KCNH1: variants seen among roughly 807,000 people sequenced by gnomAD.
KCNH1 encodes the protein voltage-gated delayed rectifier potassium channel KCNH1.
In KCNH1, 27 loss-of-function variants were observed where a neutral mutation model predicts 69.2. The observed-to-expected ratio is 0.39, with a 90% CI of 0.29 to 0.54. KCNH1 has a LOEUF of 0.54. Ranked by LOEUF, KCNH1 falls within the 20% of genes least tolerant of loss-of-function variation. KCNH1 has a pLI of 0.68. For synonymous variants in KCNH1, 456 were observed against 487.7 expected, an observed-to-expected ratio of 0.93 and a Z score of 0.86; for missense variants, 798 against 1,261.6, an observed-to-expected ratio of 0.63 and a Z score of 5.57.
At position 210,986,261 on chromosome 1, in the gene KCNH1, T is replaced by C. The variant is rs1395088172; in HGVS notation, c.1032+32522A>G. 3.3e-5 allele frequency among the ~76,000 whole-genome samples: 5 copies of C among 152,358 alleles called. No homozygotes were observed. In the South Asian group the frequency reaches 1.0e-3, roughly 32 times the overall value. ...CAATTTGCCAGTGTTTGTCTTTTAA[T>C]TGGAGCATTTAGCTCATTTACATTT... On this transcript the variant is annotated intron_variant, in intron 6 of 10. Transcript: ENST00000271751.
chr1:211,085,271 A>C lies in KCNH1; in HGVS notation c.440-2373T>G, dbSNP rs534570671. Among the ~76,000 whole-genome samples the C allele has an allele frequency of 2.8e-4, 43 of 152,264 alleles. No homozygotes were observed. In the South Asian group the frequency reaches 8.7e-3, roughly 31 times the overall value. On this transcript the variant is annotated intron_variant, in intron 4 of 10. Coordinates refer to ENST00000271751, the MANE Select transcript of KCNH1 (RefSeq NM_172362.3). ...GGTTTATAAGTGGGAGGGGGATGCC[A>C]GGTGTGTCCTGAGATGATGCTAAAG...
chr1:211,129,796 G>C (rs772522700), intron 1 of KCNH1, among the ~76,000 whole-genome samples: 6 of 152,100 alleles, frequency 3.9e-5, no homozygotes, highest in Non-Finnish European at 8.8e-5. Flanking sequence ...TCAACAACCT[G>C]AACCAACTTA....
intron 9 of KCNH1, among the ~76,000 whole-genome samples, chr1:210,779,461 A>G (rs1001129930): frequency 8.5e-5 from 13 of 152,320 alleles, no homozygotes; most frequent in African/African-American, 3.1e-4. Flanking sequence ...GTTACACACA[A>G]TGCTGGAAAT....
intron 7 of KCNH1, among the ~76,000 whole-genome samples, chr1:210,825,272 T>C (rs1003012588): frequency 6.6e-6 from 1 of 152,212 alleles, no homozygotes; most frequent in African/African-American, 2.4e-5. Context: ...TAAAACAACC[T>C]TGTATTTCAA....
Position 211,079,284 on chromosome 1 carries a change from G to A in KCNH1, c.558+3496C>T, listed in dbSNP as rs180711805. The stretch of plus-strand genomic sequence containing the variant: ...TAAACCAGGAAGAAGGGGAATCTCT[G>A]AATAGACCAATAACAGGATCTGAAA... On this transcript the variant is annotated intron_variant, in intron 5 of 10. Coordinates refer to ENST00000271751, the MANE Select transcript of KCNH1 (RefSeq NM_172362.3). 6.1e-3 allele frequency among the ~76,000 whole-genome samples: 930 copies of A among 152,202 alleles called. 3 individuals carry two copies. Among genetic ancestry groups the A allele is most frequent in the Non-Finnish European group, 0.01 (705 of 68,004 alleles).
At chr1:210,878,602 AC>A (rs1187736522) in intron 7 of KCNH1, among the ~76,000 whole-genome samples, 1 of 152,138 alleles carries the variant, frequency 6.6e-6, no homozygotes, top group African/African-American at 2.4e-5. Context: ...TTTAAAAAAA[AC>A]ACATCAAAAT....
intron 10 of KCNH1, among the ~76,000 whole-genome samples, chr1:210,749,458 T>G (rs1683234489): frequency 6.6e-6 from 1 of 152,110 alleles, no homozygotes. Context: ...AATGAACAGT[T>G]CTATATCATG....
At chr1:210,726,631 CTTATT>C (rs1178933240) in intron 10 of KCNH1, among the ~76,000 whole-genome samples, 1 of 152,202 alleles carries the variant, frequency 6.6e-6, no homozygotes, top group Non-Finnish European at 1.5e-5. Flanking sequence ...CAACATTTAT[CTTATT>C]TTAAAGTCAG....
rs1244766536 is a variant in KCNH1, at chr1:210,755,805, C to T, written c.2112+19543G>A. Among the ~76,000 whole-genome samples the T allele has an allele frequency of 2.0e-5, 3 of 152,144 alleles. No homozygotes were observed. The East Asian group carries it at 5.8e-4, about 29-fold the overall frequency. ...CCCACTTTCCTAGGGCAAAAGAAAG[C>T]GGCTTCCACTCACAGCAAATTTTCT... On this transcript the variant is annotated intron_variant, in intron 10 of 10. Transcript: ENST00000271751.
chr1:211,062,202 A>C (rs1690445030), intron 5 of KCNH1, among the ~76,000 whole-genome samples: 1 of 152,172 alleles, frequency 6.6e-6, no homozygotes, highest in East Asian at 1.9e-4. Flanking sequence ...GGTATGAAAA[A>C]CATACATTGG....
chr1:210,735,478 G>C (rs1035380557), intron 10 of KCNH1, among the ~76,000 whole-genome samples: 3 of 151,138 alleles, frequency 2.0e-5, no homozygotes, highest in Admixed American at 6.6e-5. Flanking sequence ...TGCTGGGATG[G>C]GGCGGGGGAA....
At chr1:210,692,427 G>A (rs1681546220) in intron 10 of KCNH1, among the ~76,000 whole-genome samples, 1 of 152,170 alleles carries the variant, frequency 6.6e-6, no homozygotes, top group African/African-American at 2.4e-5. Flanking sequence ...CTGTGCAAGA[G>A]TTGCTATCCT....
At chr1:210,943,406 T>C (rs1231627174) in intron 6 of KCNH1, among the ~76,000 whole-genome samples, 4 of 152,150 alleles carry the variant, frequency 2.6e-5, no homozygotes, top group Non-Finnish European at 5.9e-5. Flanking sequence ...TGGAGTGCAG[T>C]GGCACGATCT....
chr1:210,931,781 G>A (rs964279780), intron 6 of KCNH1, among the ~76,000 whole-genome samples: 2 of 150,766 alleles, frequency 1.3e-5, no homozygotes, highest in African/African-American at 4.9e-5. Flanking sequence ...ATTCAACAAA[G>A]AGATAGATAT....
At chr1:210,896,984 A>T (rs551866375) in intron 7 of KCNH1, among the ~76,000 whole-genome samples, 20 of 152,306 alleles carry the variant, frequency 1.3e-4, no homozygotes, top group African/African-American at 4.6e-4. Flanking sequence ...GTCTTGGCAG[A>T]CATATCCTTG....
At chr1:211,066,854 T>G (rs769885202) in intron 5 of KCNH1, among the ~76,000 whole-genome samples, 3 of 152,228 alleles carry the variant, frequency 2.0e-5, no homozygotes, top group Non-Finnish European at 4.4e-5. Context: ...ATTTACCAGA[T>G]GTACCATCTA....
intron 5 of KCNH1, among the ~76,000 whole-genome samples, chr1:211,023,136 AAATAAATAAATAAATAAATAAATAAATT>A (rs1314111984): frequency 4.8e-5 from 7 of 144,594 alleles, no homozygotes; most frequent in African/African-American, 1.6e-4. Context: ...ATAAATAAAT[AAATAAATAAATAAATAAATAAATAAATT>A]AAAAATGCTG....
chr1:210,913,106 T>G (rs1687267251), intron 7 of KCNH1, among the ~76,000 whole-genome samples: 1 of 152,214 alleles, frequency 6.6e-6, no homozygotes, highest in African/African-American at 2.4e-5. Flanking sequence ...GAAAGTAGTC[T>G]AAGGTTGTGT....
At chr1:210,987,098 C>A (rs971653464) in intron 6 of KCNH1, among the ~76,000 whole-genome samples, 1 of 152,184 alleles carries the variant, frequency 6.6e-6, no homozygotes, top group African/African-American at 2.4e-5. Flanking sequence ...CTTGTGCATT[C>A]GTCACATAGT....
Sources: gnomAD v4.1 joint callset for allele counts (sites outside exome capture counted in the v4.1 genomes callset) on GRCh38, gnomAD v4.1.1 for gene constraint, MANE v1.5 for transcripts, NCBI Gene and HGNC (gene_info 2026-07-23, HGNC 2026-07-21) for gene names.